Variants in NLRP7 observed in about 807,000 individuals in gnomAD.
NLRP7 encodes NACHT, LRR and PYD domains-containing protein 7.
In NLRP7, 72 loss-of-function variants were observed where a neutral mutation model predicts 85.5. That is an observed-to-expected ratio of 0.84 (90% CI 0.70 to 1.02). NLRP7 has a LOEUF of 1.02. Among genes scored for constraint, NLRP7 ranks in the 50% least tolerant of loss-of-function variants. NLRP7 has a pLI of 0.00. For synonymous variants in NLRP7, 550 were observed against 505.2 expected (o/e 1.09, Z -1.19); for missense variants, 1,243 against 1,219.5 (o/e 1.02, Z -0.29).
intron 5 of NLRP7, among the ~76,000 whole-genome samples, chr19:54,937,675 A>T (rs1229033087): frequency 1.3e-5 from 2 of 152,120 alleles, no homozygotes; most frequent in African/African-American, 4.8e-5. Context: ...AGGCAGGCAA[A>T]TCACCTGAGG....
rs1375652054 is a variant in NLRP7 at position 54,934,486 on chromosome 19, TACG to T, written c.2471_2471+2del. The T allele has an allele frequency of 3.7e-6, 6 of 1,613,980 alleles. No individual in the cohort carries two copies. The highest frequency in any genetic ancestry group is 5.1e-6 in the Non-Finnish European group (6 of 1,179,970). On this transcript the variant is annotated splice_donor_variant and coding_sequence_variant, in exon 7 of 10. Transcript: ENST00000340844. LOFTEE classifies it high-confidence loss of function. The surrounding 1 kb of genome is among the most constrained non-coding windows in gnomAD (Gnocchi z 6.7). Reference sequence around the variant, plus strand: ...GAGCTGCCCATGGGAAGAGGAGACTTACGACAACATCTGCAGGAAGTGTTTTGG... The same window carrying T: ...GAGCTGCCCATGGGAAGAGGAGACTTACAACATCTGCAGGAAGTGTTTTGG...
Position 54,941,013 on chromosome 19 carries a change from A to C in NLRP7, c.278-8T>G. The stretch of plus-strand genomic sequence containing the variant: ...CTTGCACCTGTCCGTCCTCTGTAAA[A>C]TACTTAGATGTAAGCCTGACACAGT... On this transcript the variant is annotated splice_polypyrimidine_tract_variant and splice_region_variant and intron_variant, in intron 2 of 9. Coordinates refer to ENST00000340844, the Ensembl canonical transcript of NLRP7. 1 of 1,585,860 alleles carries C rather than the reference A, an allele frequency of 6.3e-7. No homozygotes were observed.
intron 9 of NLRP7, among the ~76,000 whole-genome samples, chr19:54,929,112 T>TA (rs1291233850): frequency 2.0e-5 from 3 of 152,206 alleles, no homozygotes; most frequent in Non-Finnish European, 4.4e-5. Flanking sequence ...CTCATGCCTG[T>TA]AATCCCAGCA....
intron 1 of NLRP7, among the ~76,000 whole-genome samples, chr19:54,958,991 G>C (rs903414952): frequency 6.6e-6 from 1 of 152,112 alleles, no homozygotes; most frequent in Non-Finnish European, 1.5e-5. Context: ...TGGAATCTAT[G>C]GATAACATCG....
At chr19:54,944,014 T>A (rs1036599808) in intron 1 of NLRP7, among the ~76,000 whole-genome samples, 2 of 152,006 alleles carry the variant, frequency 1.3e-5, no homozygotes, top group Non-Finnish European at 2.9e-5. Context: ...AGGGACACAA[T>A]ACACTGCGGA....
chr19:54,947,715 G>T (rs895243958), upstream of NLRP7: 2 of 1,161,406 alleles, frequency 1.7e-6, no homozygotes, highest in Non-Finnish European at 2.3e-6. Context: ...GAGAATTACG[G>T]CTTGCTGAAT....
At chr19:54,965,009 C>T (rs1275768996) in intron 1 of NLRP7, 3 of 102,448 alleles carry the variant, frequency 2.9e-5, no homozygotes, top group Admixed American at 9.2e-5. Context: ...TGATTCTCAG[C>T]CTCGGCCGCA....
intron 4 of NLRP7, among the ~76,000 whole-genome samples, chr19:54,938,565 AAAAT>A (rs2069048044): frequency 6.6e-6 from 1 of 152,026 alleles, no homozygotes; most frequent in African/African-American, 2.4e-5. Context: ...TCTCTACAAA[AAAAT>A]AAAATAATTA....
intron 1 of NLRP7, among the ~76,000 whole-genome samples, chr19:54,958,102 C>T (rs532065437): frequency 7.2e-5 from 11 of 152,078 alleles, no homozygotes; most frequent in African/African-American, 2.2e-4. Flanking sequence ...GTAATCCCAG[C>T]TACTTGGAAG....
At chr19:54,947,258 C>T (rs1282694735) in intron 1 of NLRP7, among the ~76,000 whole-genome samples, 3 of 151,658 alleles carry the variant, frequency 2.0e-5, no homozygotes, top group Admixed American at 6.6e-5. Flanking sequence ...ACCCAGGAGG[C>T]GGAGTTTGCA....
chr19:54,947,744 T>C (rs1161419095), upstream of NLRP7: 5 of 935,742 alleles, frequency 5.3e-6, no homozygotes, highest in Admixed American at 2.3e-5. Context: ...GTGAGATTAA[T>C]GTGCAATTCC....
At chr19:54,962,232 A>G (rs2070067174) in intron 1 of NLRP7, among the ~76,000 whole-genome samples, 1 of 149,134 alleles carries the variant, frequency 6.7e-6, no homozygotes, top group African/African-American at 2.5e-5. Context: ...GCTCCTGCAC[A>G]TTTTCATTCA....
intron 1 of NLRP7, among the ~76,000 whole-genome samples, chr19:54,955,156 C>T (rs987975662): frequency 6.6e-6 from 1 of 152,026 alleles, no homozygotes; most frequent in Non-Finnish European, 1.5e-5. Context: ...GGAGAAACCC[C>T]GTCTCTACTA....
At chr19:54,955,053 C>T (rs1196610719) in intron 1 of NLRP7, among the ~76,000 whole-genome samples, 4 of 152,092 alleles carry the variant, frequency 2.6e-5, no homozygotes, top group Non-Finnish European at 5.9e-5. Flanking sequence ...GGTGGCCGGG[C>T]GCGGTGGCTC....
chr19:54,939,791 G>A, exon 4 of NLRP7: 1 of 1,614,004 alleles, frequency 6.2e-7, no homozygotes, highest in Non-Finnish European at 8.5e-7. Context: ...GGCACGCATG[G>A]CTTGGTCCTC....
exon 4 of NLRP7, chr19:54,939,527 T>C (rs1013669755): frequency 6.2e-7 from 1 of 1,613,532 alleles, no homozygotes; most frequent in Non-Finnish European, 8.5e-7. Flanking sequence ...GTCCTCTCGG[T>C]GGAACACGGA....
chr19:54,929,067 T>C (rs1297575819), intron 9 of NLRP7, among the ~76,000 whole-genome samples: 2 of 152,078 alleles, frequency 1.3e-5, no homozygotes, highest in Non-Finnish European at 2.9e-5. Context: ...CTCAGGGGGA[T>C]GGGTTAAGAA....
chr19:54,928,738 T>A (rs1186562475), intron 9 of NLRP7, among the ~76,000 whole-genome samples: 1 of 152,142 alleles, frequency 6.6e-6, no homozygotes, highest in Admixed American at 6.6e-5. Flanking sequence ...GAAAGTAGAA[T>A]GATTTATGGC....
chr19:54,934,091 C>A lies in NLRP7; in HGVS notation c.2472-352G>T, dbSNP rs778843051. ...CCTGAGTAGCTGGGACTACAGGCGC[C>A]CACCACACCTGGATAATTTTTTGTA... On this transcript the variant is annotated intron_variant, in intron 7 of 9. Transcript: ENST00000340844. The surrounding 1 kb of genome is among the most constrained non-coding windows in gnomAD (Gnocchi z 6.7). Among the ~76,000 whole-genome samples, 1 of 152,124 alleles carries A rather than the reference C, an allele frequency of 6.6e-6. No individual in the cohort carries two copies. Among genetic ancestry groups the A allele is most frequent in the African/African-American group, 2.4e-5 (1 of 41,438 alleles).
Sources: gnomAD v4.1 joint callset for allele counts (sites outside exome capture counted in the v4.1 genomes callset) on GRCh38, gnomAD v4.1.1 for gene constraint, Gnocchi (gnomAD v3.1) non-coding constraint, MANE v1.5 for transcripts, NCBI Gene and HGNC (gene_info 2026-07-23, HGNC 2026-07-21) for gene names.